Variants in CTNNA3 observed in about 807,000 individuals in gnomAD.
CTNNA3 encodes catenin alpha 3.
A neutral mutation model predicts 95.7 loss-of-function variants in CTNNA3; 76 were observed. The observed-to-expected ratio is 0.79, with a 90% CI of 0.66 to 0.96. The LOEUF is 0.96. Ranked by LOEUF, CTNNA3 falls within the 40% of genes least tolerant of loss-of-function variation. The pLI, the probability that CTNNA3 is intolerant of heterozygous loss-of-function variation, is 0.00. For synonymous variants in CTNNA3, 431 were observed against 374.4 expected, an observed-to-expected ratio of 1.15 and a Z score of -1.74; for missense variants, 1,191 against 1,089.8, an observed-to-expected ratio of 1.09 and a Z score of -1.31.
At chr10:66,748,217 T>C (rs764234780) in intron 9 of CTNNA3, among the ~76,000 whole-genome samples, 34 of 152,222 alleles carry the variant, frequency 2.2e-4, no homozygotes, top group South Asian at 4.1e-4. Flanking sequence ...TTCAAAGTTC[T>C]GAAAACAAAA....
At chr10:67,444,292 G>T (rs1048848568) in intron 5 of CTNNA3, among the ~76,000 whole-genome samples, 1 of 152,094 alleles carries the variant, frequency 6.6e-6, no homozygotes, top group Non-Finnish European at 1.5e-5. Context: ...ACTCCTGAAT[G>T]ACTAGTGGGT....
At chr10:67,441,593 C>T (rs1846518933) in intron 5 of CTNNA3, among the ~76,000 whole-genome samples, 1 of 152,102 alleles carries the variant, frequency 6.6e-6, no homozygotes, top group African/African-American at 2.4e-5. Context: ...TACAATGGAG[C>T]TCCAATACAT....
chr10:67,020,247 G>C (rs527297626), intron 7 of CTNNA3, among the ~76,000 whole-genome samples: 46 of 152,126 alleles, frequency 3.0e-4, no homozygotes, highest in Non-Finnish European at 6.2e-4. Flanking sequence ...AAGCAAATAA[G>C]TAAAGAACTA....
At chr10:67,251,731 A>G (rs1407837178) in intron 5 of CTNNA3, among the ~76,000 whole-genome samples, 1 of 152,178 alleles carries the variant, frequency 6.6e-6, no homozygotes, top group Non-Finnish European at 1.5e-5. Context: ...TAATCTCAAT[A>G]TAAATTACAG....
intron 5 of CTNNA3, among the ~76,000 whole-genome samples, chr10:67,393,908 C>A (rs1043390663): frequency 6.6e-6 from 1 of 152,142 alleles, no homozygotes; most frequent in African/African-American, 2.4e-5. Context: ...AAAACTAGCA[C>A]AGCTCAATTC....
At chr10:67,279,671 C>CG (rs1839320878) in intron 5 of CTNNA3, among the ~76,000 whole-genome samples, 1 of 150,366 alleles carries the variant, frequency 6.7e-6, no homozygotes, top group African/African-American at 2.5e-5. Flanking sequence ...AAAGGAAAGG[C>CG]GGCTGACTCA....
chr10:67,097,603 A>C (rs761306996), intron 7 of CTNNA3: 2 of 1,612,294 alleles, frequency 1.2e-6, no homozygotes, highest in Admixed American at 3.3e-5. Context: ...TTATCAATGA[A>C]TGTGTCAACC....
At chr10:65,937,655 A>G (rs116407077) in intron 17 of CTNNA3, among the ~76,000 whole-genome samples, 2,027 of 152,220 alleles carry the variant, frequency 0.013, 50 homozygotes, top group African/African-American at 0.045. Flanking sequence ...CTGTACTCCT[A>G]TTATAGCACT....
chr10:66,337,565 G>A (rs1380715092), intron 12 of CTNNA3, among the ~76,000 whole-genome samples: 2 of 151,754 alleles, frequency 1.3e-5, no homozygotes, highest in South Asian at 2.1e-4. Flanking sequence ...GTCTGACTAC[G>A]TTCAAACTTC....
Position 67,279,671 on chromosome 10 carries a change from C to A in CTNNA3, c.580-59801G>T, listed in dbSNP as rs117032072. Among the ~76,000 whole-genome samples, 1,191 of 150,482 alleles carry A rather than the reference C, an allele frequency of 7.9e-3. 44 individuals are homozygous for A. The highest frequency in any genetic ancestry group is 0.012 in the Non-Finnish European group (794 of 67,636). ...ATCTGCTTAGGAACAAAAGGAAAGG[C>A]GGCTGACTCAGCCTTCAGCTTAACT... On this transcript the variant is annotated intron_variant, in intron 5 of 17. Transcript: ENST00000433211.
At chr10:67,667,495 C>T (rs1448558148) in intron 1 of CTNNA3, among the ~76,000 whole-genome samples, 1 of 152,098 alleles carries the variant, frequency 6.6e-6, no homozygotes, top group Non-Finnish European at 1.5e-5. Context: ...TCTCTTTTTC[C>T]TGCTCTCAGA....
At chr10:67,477,045 T>C (rs993184415) in intron 5 of CTNNA3, among the ~76,000 whole-genome samples, 1 of 149,424 alleles carries the variant, frequency 6.7e-6, no homozygotes, top group African/African-American at 2.5e-5. Flanking sequence ...TAATCTGATT[T>C]AACAGCCTGA....
chr10:67,640,403 C>A lies in CTNNA3; in HGVS notation c.99+7012G>T, dbSNP rs1451774693. Among the ~76,000 whole-genome samples, 3 of 152,244 alleles carry A rather than the reference C, an allele frequency of 2.0e-5. No individual in the cohort carries two copies. In the East Asian group the frequency reaches 5.8e-4, roughly 29 times the overall value. On this transcript the variant is annotated intron_variant, in intron 2 of 17. Coordinates refer to ENST00000433211, the MANE Select transcript of CTNNA3 (RefSeq NM_013266.4). ...TTCCATGCTCATGGATAGGAAGAATCAATATCATGAAAATGGCCATACTGC... is the reference window on the plus strand; with the variant it reads ...TTCCATGCTCATGGATAGGAAGAATAAATATCATGAAAATGGCCATACTGC...
intron 11 of CTNNA3, among the ~76,000 whole-genome samples, chr10:66,431,760 G>T (rs2093298430): frequency 1.8e-5 from 2 of 113,746 alleles, no homozygotes; most frequent in Admixed American, 2.4e-4. Flanking sequence ...GGTGGGGGGA[G>T]GGGGGAGGGA....
intron 9 of CTNNA3, among the ~76,000 whole-genome samples, chr10:66,630,653 T>C (rs1845100517): frequency 1.3e-5 from 2 of 152,258 alleles, no homozygotes; most frequent in South Asian, 2.1e-4. Context: ...CTTCTGATAA[T>C]TGCAGAAAGA....
At chr10:67,242,253 T>C (rs1282886539) in intron 5 of CTNNA3, among the ~76,000 whole-genome samples, 1 of 152,166 alleles carries the variant, frequency 6.6e-6, no homozygotes, top group Non-Finnish European at 1.5e-5. Flanking sequence ...TTTAGAATGC[T>C]CAAAAATATA....
chr10:66,185,939 A>C (rs72795372), intron 13 of CTNNA3, among the ~76,000 whole-genome samples: 11,349 of 151,526 alleles, frequency 0.075, 477 homozygotes, highest in Middle Eastern at 0.12. Flanking sequence ...CTCTCTCTCT[A>C]TATATATATA....
chr10:66,863,469 G>T (rs1394697544), intron 7 of CTNNA3, among the ~76,000 whole-genome samples: 1 of 152,068 alleles, frequency 6.6e-6, no homozygotes, highest in Non-Finnish European at 1.5e-5. Context: ...GGTAGTGGTA[G>T]ATGTAGTGAA....
At chr10:66,822,093 A>G (rs1423408764) in intron 7 of CTNNA3, among the ~76,000 whole-genome samples, 1 of 138,508 alleles carries the variant, frequency 7.2e-6, no homozygotes, top group Non-Finnish European at 1.5e-5. Context: ...CATATATTAT[A>G]TGTAAAATTT....
Sources: allele counts gnomAD v4.1 joint callset (sites outside exome capture counted in the v4.1 genomes callset), GRCh38; gene constraint gnomAD v4.1.1; transcripts MANE v1.5; gene names NCBI Gene and HGNC (gene_info 2026-07-23, HGNC 2026-07-21).